PXK: variants seen among roughly 807,000 people sequenced by gnomAD.
PXK encodes PX domain-containing protein kinase-like protein.
In PXK, 35 loss-of-function variants were observed where a neutral mutation model predicts 84.7. That is an observed-to-expected ratio of 0.41 (90% CI 0.32 to 0.55). The LOEUF (loss-of-function observed/expected upper bound fraction) is 0.55. Ranked by LOEUF, PXK falls within the 20% of genes least tolerant of loss-of-function variation. The pLI is 0.21. For missense variants in PXK, 634 were observed against 699.7 expected (o/e 0.91, Z 1.06); for synonymous variants, 253 against 260.8 (o/e 0.97, Z 0.29).
At chr3:58,362,767 G>A (rs1329067691) in intron 1 of PXK, among the ~76,000 whole-genome samples, 2 of 152,194 alleles carry the variant, frequency 1.3e-5, no homozygotes, top group Non-Finnish European at 2.9e-5. Flanking sequence ...AGGCTGGAGT[G>A]CAGTGGCATG....
At chr3:58,420,863 T>G in intron 17 of PXK, 5 of 1,211,936 alleles carry the variant, frequency 4.1e-6, no homozygotes, top group African/African-American at 1.6e-5. Flanking sequence ...TTTTGGTATA[T>G]TTTAATTTTG....
chr3:58,378,823 A>G (rs2098470684), intron 3 of PXK, among the ~76,000 whole-genome samples: 1 of 152,026 alleles, frequency 6.6e-6, no homozygotes, highest in Non-Finnish European at 1.5e-5. Context: ...GGCGTGAGCC[A>G]CCGCGCCCAG....
At chr3:58,359,627 TAAAAA>T (rs1158233747) in intron 1 of PXK, among the ~76,000 whole-genome samples, 1 of 151,682 alleles carries the variant, frequency 6.6e-6, no homozygotes, top group Non-Finnish European at 1.5e-5. Context: ...CCTCTAGACA[TAAAAA>T]AAACATGTTT....
chr3:58,416,825 G>A lies in PXK; in HGVS notation c.1528+3862G>A, dbSNP rs112210891. 7.2e-5 allele frequency among the ~76,000 whole-genome samples: 11 copies of A among 152,184 alleles called. No homozygotes were observed. The highest frequency in any genetic ancestry group is 1.9e-4 in the East Asian group (1 of 5,172). ...TTTGATAGAGATGGGGTTTCACTAC[G>A]TTGGCCAGGCTGGTCTTGAACTCCT... is the stretch of plus-strand genomic sequence containing the variant. On this transcript the variant is annotated intron_variant, in intron 17 of 17. Coordinates refer to ENST00000356151, the MANE Select transcript of PXK (RefSeq NM_017771.5). This position sits in a 1 kb window ranked among gnomAD's most constrained non-coding sequence, Gnocchi z 4.8.
In PXK at chr3:58,397,705, C is replaced by T; in HGVS notation, c.1085C>T (p.Ala362Val). 6.2e-7 allele frequency: 1 copy of T among 1,613,610 alleles called. No homozygotes were observed. Among genetic ancestry groups the T allele is most frequent in the Non-Finnish European group, 8.5e-7 (1 of 1,179,602 alleles). ...DSVPVDSFPP[A>V]PSMAVVAVLE... Reference sequence around the variant, plus strand: ...GTGCCTGTGGACTCCTTCCCTCCTGCCCCGTCCATGGCTGTGGGTCAGTAT... The same window carrying T: ...GTGCCTGTGGACTCCTTCCCTCCTGTCCCGTCCATGGCTGTGGGTCAGTAT... Residue 362 changes from alanine (A) to valine (V), a missense_variant, in exon 11 of 18, where the codon GCC (alanine) becomes GTC (valine). By Grantham distance (64) the Ala-to-Val change is moderately conservative. This residue lies in a region of PXK where 273 missense variants were observed against 283.6 expected (regional missense o/e 0.96). Transcript: ENST00000356151. The surrounding 1 kb of genome is among the most constrained non-coding windows in gnomAD (Gnocchi z 4.7).
At chr3:58,367,401 C>T (rs946965841) in intron 2 of PXK, among the ~76,000 whole-genome samples, 2 of 151,750 alleles carry the variant, frequency 1.3e-5, no homozygotes, top group African/African-American at 2.4e-5. Context: ...CCCGCCACCA[C>T]GCCCAGCTAA....
chr3:58,389,337 T>C (rs2098599332), intron 4 of PXK, among the ~76,000 whole-genome samples: 1 of 152,206 alleles, frequency 6.6e-6, no homozygotes, highest in Non-Finnish European at 1.5e-5. Context: ...CATTAAATAC[T>C]GTTTCCAGCT....
Position 58,399,440 on chromosome 3 carries a change from T to C in PXK, c.1181+63T>C. On this transcript the variant is annotated intron_variant, in intron 12 of 17. Transcript: ENST00000356151. This position sits in a 1 kb window ranked among gnomAD's most constrained non-coding sequence, Gnocchi z 4.3. ...CTATGTTGAACACCAGACCACTGTG[T>C]CCAAGCACCTGGTACTGTAGTAAAG... 6.7e-7 allele frequency: 1 copy of C among 1,496,324 alleles called. No individual in the cohort carries two copies. Among genetic ancestry groups the C allele is most frequent in the South Asian group, 1.2e-5 (1 of 86,764 alleles). 92.7% of individuals were successfully genotyped at this position (1,496,324 alleles called of 1,614,324 possible). A position where few individuals can be genotyped will look rare whatever the true frequency, so the allele number is the denominator to read the frequency against.
chr3:58,378,611 C>T (rs1258205345), intron 3 of PXK, among the ~76,000 whole-genome samples: 9 of 144,284 alleles, frequency 6.2e-5, no homozygotes, highest in Admixed American at 1.4e-4. Context: ...CTCAGCTCAC[C>T]GCAACCTCTG....
intron 17 of PXK, chr3:58,423,216 CA>C (rs1157345520): frequency 1.0e-6 from 1 of 983,650 alleles, no homozygotes; most frequent in African/African-American, 1.7e-5. Flanking sequence ...TTTCCCACTT[CA>C]ACAGTTACTT....
At position 58,421,773 on chromosome 3, in the gene PXK, G is replaced by T. The variant is rs950818205; in HGVS notation, c.1529-2979G>T. On this transcript the variant is annotated intron_variant, in intron 17 of 17. Coordinates refer to ENST00000356151, the MANE Select transcript of PXK (RefSeq NM_017771.5). This position sits in a 1 kb window ranked among gnomAD's most constrained non-coding sequence, Gnocchi z 5.5. ...TGGAGAAGATTTTGGGGTGGGTAGA[G>T]TAAGTAGTTGGCTCTCAGGGATTTT... The T allele has an allele frequency of 1.1e-5, 11 of 985,444 alleles. No individual in the cohort carries two copies. Among genetic ancestry groups the T allele is most frequent in the Non-Finnish European group, 1.3e-5 (11 of 829,936 alleles). 61.0% of individuals were successfully genotyped at this position (985,444 alleles called of 1,614,324 possible). A position where few individuals can be genotyped will look rare whatever the true frequency, so the allele number is the denominator to read the frequency against.
chr3:58,423,224 AC>A (rs2062211555), intron 17 of PXK: 1 of 982,896 alleles, frequency 1.0e-6, no homozygotes, highest in Admixed American at 6.1e-5. Flanking sequence ...TTCAACAGTT[AC>A]TTCAGGTTTA....
In PXK at chr3:58,424,934, G is replaced by C. The variant is rs2062620734; in HGVS notation, c.1711G>C (p.Asp571His). 2 of 1,614,070 alleles carry C rather than the reference G, an allele frequency of 1.2e-6. No individual in the cohort carries two copies. Among genetic ancestry groups the C allele is most frequent in the Non-Finnish European group, 8.5e-7 (1 of 1,180,026 alleles). Residue 571 changes from aspartate to histidine, a missense_variant, in exon 18 of 18, where the codon GAT becomes CAT. Transcript: ENST00000356151. ...AACTTTGAGGAAAGCCAAAACCTGT[G>C]ATCACAGTGCTCCGAAGATCGGCTG... ...KGTLRKAKTC[D>H]HSAPKIG is the part of the protein sequence containing the mutation.
Position 58,382,678 on chromosome 3 carries a change from C to T in PXK, c.366C>T (p.Asn122=), listed in dbSNP as rs750717959. Residue 122 remains asparagine (N), a synonymous_variant, in exon 4 of 18, where the codon AAC becomes AAT. Coordinates refer to ENST00000356151, the MANE Select transcript of PXK (RefSeq NM_017771.5). ...CELVKKFLDP[N]NYSANYTEIA... ...TGGTTAAGAAGTTTTTAGATCCAAA[C>T]AACTATTCCGCAAACTATACTGGTA... is the stretch of plus-strand genomic sequence containing the variant. 1.3e-6 allele frequency: 2 copies of T among 1,577,966 alleles called. No individual in the cohort carries two copies. Among genetic ancestry groups the T allele is most frequent in the African/African-American group, 2.7e-5 (2 of 72,754 alleles).
At chr3:58,376,884 C>T (rs2098447848) in intron 3 of PXK, among the ~76,000 whole-genome samples, 1 of 152,128 alleles carries the variant, frequency 6.6e-6, no homozygotes. Flanking sequence ...AGGTAGTCCA[C>T]TTGCCTCGGT....
chr3:58,340,962 T>TA (rs554154445), intron 1 of PXK, among the ~76,000 whole-genome samples: 51 of 138,882 alleles, frequency 3.7e-4, no homozygotes, highest in African/African-American at 1.5e-3. Flanking sequence ...GGGGGAGTAA[T>TA]AGAGTTTTTC....
At chr3:58,355,855 G>A (rs1464820858) in intron 1 of PXK, among the ~76,000 whole-genome samples, 5 of 152,170 alleles carry the variant, frequency 3.3e-5, no homozygotes, top group Non-Finnish European at 4.4e-5. Flanking sequence ...GGACTTCCCC[G>A]GGTTGCCAGC....
chr3:58,416,978 C>G lies in PXK; in HGVS notation c.1528+4015C>G, dbSNP rs2061063704. Among the ~76,000 whole-genome samples the G allele has an allele frequency of 6.6e-6, 1 of 152,184 alleles. No homozygotes were observed. Among genetic ancestry groups the G allele is most frequent in the Admixed American group, 6.5e-5 (1 of 15,276 alleles). On this transcript the variant is annotated intron_variant, in intron 17 of 17. Coordinates refer to ENST00000356151, the MANE Select transcript of PXK (RefSeq NM_017771.5). This position sits in a 1 kb window ranked among gnomAD's most constrained non-coding sequence, Gnocchi z 4.8. The stretch of plus-strand genomic sequence containing the variant: ...GCTTAGGCTGTTCTTCCTTGCAGAA[C>G]TGGAGGTCGGTCTTCTCCTGGGCTC...
chr3:58,356,750 C>A (rs139087273), intron 1 of PXK, among the ~76,000 whole-genome samples: 1 of 151,736 alleles, frequency 6.6e-6, no homozygotes, highest in Admixed American at 6.6e-5. Flanking sequence ...ACTACAGATG[C>A]GTACCTCCAT....
Sources: gnomAD v4.1 joint callset for allele counts (sites outside exome capture counted in the v4.1 genomes callset) on GRCh38, gnomAD v4.1.1 for gene constraint, gnomAD v4.1.1 regional missense constraint, Gnocchi (gnomAD v3.1) non-coding constraint, MANE v1.5 for transcripts, NCBI Gene and HGNC (gene_info 2026-07-23, HGNC 2026-07-21) for gene names.